EIF4G3: variants seen among roughly 807,000 people sequenced by gnomAD.
EIF4G3 encodes eIF-4-gamma 3.
A neutral mutation model predicts 186.4 loss-of-function variants in EIF4G3; 34 were observed. The observed-to-expected ratio is 0.18, with a 90% CI of 0.14 to 0.24. EIF4G3 has a LOEUF of 0.24. Ranked by LOEUF, EIF4G3 falls within the 10% of genes least tolerant of loss-of-function variation. The probability of loss-of-function intolerance (pLI) is 1.00; values close to 1 mark genes in which losing one functional copy is unlikely to be tolerated. For missense variants in EIF4G3, 1,536 were observed against 1,948.5 expected (o/e 0.79, Z 3.99); for synonymous variants, 673 against 679.5 (o/e 0.99, Z 0.15).
intron 18 of EIF4G3, among the ~76,000 whole-genome samples, chr1:20,889,837 T>A (rs1193948738): frequency 6.6e-6 from 1 of 152,180 alleles, no homozygotes; most frequent in Non-Finnish European, 1.5e-5. Flanking sequence ...TTCATGGTAA[T>A]TTCCAACAGA....
intron 3 of EIF4G3, among the ~76,000 whole-genome samples, chr1:21,062,214 A>G (rs758917096): frequency 2.0e-5 from 3 of 151,812 alleles, no homozygotes; most frequent in Non-Finnish European, 4.4e-5. Context: ...GTGTGCCACT[A>G]CACTGGGCTA....
At chr1:21,041,027 T>C (rs1218499246) in intron 4 of EIF4G3, among the ~76,000 whole-genome samples, 1 of 152,200 alleles carries the variant, frequency 6.6e-6, no homozygotes, top group African/African-American at 2.4e-5. Context: ...AGAGTCTCTA[T>C]GAATTTGCCG....
At chr1:21,025,654 T>A (rs1419403962) in intron 4 of EIF4G3, among the ~76,000 whole-genome samples, 1 of 152,222 alleles carries the variant, frequency 6.6e-6, no homozygotes, top group Non-Finnish European at 1.5e-5. Flanking sequence ...ATACTGGCCT[T>A]ATTTTATTCT....
At chr1:21,050,322 G>A (rs973426574) in intron 4 of EIF4G3, among the ~76,000 whole-genome samples, 7 of 152,192 alleles carry the variant, frequency 4.6e-5, no homozygotes, top group Admixed American at 1.3e-4. Context: ...GTGTCTGAAC[G>A]TCTGTTGTTA....
chr1:21,032,452 C>T (rs2154571974), intron 4 of EIF4G3, among the ~76,000 whole-genome samples: 1 of 152,066 alleles, frequency 6.6e-6, no homozygotes, highest in African/African-American at 2.4e-5. Flanking sequence ...TTAATCTAGC[C>T]AAATATTAAT....
chr1:20,899,987 T>C (rs1280035060), intron 15 of EIF4G3, 44 bp from the exon 16 acceptor site: 8 of 1,561,906 alleles, frequency 5.1e-6, no homozygotes, highest in Non-Finnish European at 6.9e-6. Context: ...TTTCCACGGG[T>C]GTAAATATAC....
chr1:20,835,954 A>G (rs75756480), intron 30 of EIF4G3, among the ~76,000 whole-genome samples: 2 of 151,884 alleles, frequency 1.3e-5, no homozygotes, highest in Non-Finnish European at 2.9e-5. Context: ...AAAAAAAAAA[A>G]GCCCAGGACT....
intron 35 of EIF4G3, among the ~76,000 whole-genome samples, chr1:20,812,247 C>T (rs2059389881): frequency 6.6e-6 from 1 of 152,156 alleles, no homozygotes; most frequent in African/African-American, 2.4e-5. Flanking sequence ...AACACAGTGA[C>T]CCCCACCATC....
intron 7 of EIF4G3, among the ~76,000 whole-genome samples, chr1:20,992,047 G>A (rs1315384887): frequency 6.6e-6 from 1 of 152,124 alleles, no homozygotes; most frequent in African/African-American, 2.4e-5. Flanking sequence ...AATTTGTAGT[G>A]AAGCTGAAAT....
chr1:20,986,495 T>C (rs766870849), intron 7 of EIF4G3, among the ~76,000 whole-genome samples: 2 of 152,052 alleles, frequency 1.3e-5, no homozygotes, highest in Non-Finnish European at 2.9e-5. Flanking sequence ...CATTTCAGAT[T>C]GTACCGACTG....
intron 14 of EIF4G3, among the ~76,000 whole-genome samples, chr1:20,907,282 A>C (rs556259131): frequency 1.3e-5 from 2 of 152,344 alleles, no homozygotes; most frequent in Admixed American, 1.3e-4. Context: ...CCCCCACCTA[A>C]GAACTAAACT....
intron 14 of EIF4G3, among the ~76,000 whole-genome samples, chr1:20,913,112 T>C (rs1218226098): frequency 6.6e-6 from 1 of 152,226 alleles, no homozygotes; most frequent in East Asian, 1.9e-4. Flanking sequence ...ATTTGAAATG[T>C]ATGTTGACTT....
chr1:21,052,732 C>T (rs915999307), intron 3 of EIF4G3, among the ~76,000 whole-genome samples: 88 of 152,294 alleles, frequency 5.8e-4, no homozygotes, highest in African/African-American at 1.6e-3. Context: ...AGGCGCGCGC[C>T]GCCACGCCTG....
At chr1:21,090,621 C>G (rs2096161051) in intron 2 of EIF4G3, among the ~76,000 whole-genome samples, 1 of 152,084 alleles carries the variant, frequency 6.6e-6, no homozygotes, top group Admixed American at 6.6e-5. Flanking sequence ...TGGATTTGCA[C>G]AAAGTAGAAA....
chr1:20,993,485 AT>A (rs2081572507), intron 7 of EIF4G3, among the ~76,000 whole-genome samples: 1 of 152,152 alleles, frequency 6.6e-6, no homozygotes, highest in Non-Finnish European at 1.5e-5. Context: ...TACCTAAATA[AT>A]TGTATTTTTT....
intron 26 of EIF4G3, among the ~76,000 whole-genome samples, 155 bp downstream of exon 26, chr1:20,854,823 A>C (rs1004799550): frequency 6.6e-6 from 1 of 152,232 alleles, no homozygotes; most frequent in Admixed American, 6.5e-5. Flanking sequence ...CTGAGAAAGG[A>C]TCTATGTTGA....
chr1:20,846,165 T>C (rs1430039227), intron 29 of EIF4G3, among the ~76,000 whole-genome samples: 1 of 152,218 alleles, frequency 6.6e-6, no homozygotes, highest in Non-Finnish European at 1.5e-5. Flanking sequence ...TGAAGTTGCT[T>C]ATCAGCTTAA....
chr1:20,843,646 T>C (rs927302507), intron 29 of EIF4G3, among the ~76,000 whole-genome samples: 14 of 152,222 alleles, frequency 9.2e-5, no homozygotes, highest in Admixed American at 3.9e-4. Flanking sequence ...ATGATATATA[T>C]TTTTTAAACT....
In EIF4G3 at chr1:20,825,163, A is replaced by G. The variant is rs765437917; in HGVS notation, c.4305T>C (p.Ala1435=). 1.2e-6 allele frequency: 2 copies of G among 1,612,800 alleles called. No homozygotes were observed. Among genetic ancestry groups the G allele is most frequent in the Admixed American group, 3.3e-5 (2 of 59,848 alleles). The change falls in exon 33 of 37, where the codon GCT becomes GCC. Residue 1435 remains alanine (A), a synonymous_variant. Coordinates refer to ENST00000602326, the MANE Select transcript of EIF4G3 (RefSeq NM_001391906.1). ...HKKVGALWRE[A]DLSWKDFLPE... is the part of the protein sequence containing the mutation. ...GTAAAAAGTCCTTCCAGCTGAGGTC[A>G]GCCTCCCTCCATAAGGCTCCCACTT...
Sources: allele counts gnomAD v4.1 joint callset (sites outside exome capture counted in the v4.1 genomes callset), GRCh38; gene constraint gnomAD v4.1.1; transcripts MANE v1.5; gene names NCBI Gene and HGNC (gene_info 2026-07-23, HGNC 2026-07-21).